EML4: variants seen among roughly 807,000 people sequenced by gnomAD.
The protein encoded by EML4 is EMAP like 4.
EML4 carries 72 observed loss-of-function variants against 129.0 expected under a neutral mutation model. That is an observed-to-expected ratio of 0.56 (90% CI 0.46 to 0.68). The LOEUF (loss-of-function observed/expected upper bound fraction) is 0.68. Ranked by LOEUF, EML4 falls within the 30% of genes least tolerant of loss-of-function variation. EML4 has a pLI of 0.00. For missense variants in EML4, 1,363 were observed against 1,190.6 expected, an observed-to-expected ratio of 1.14 and a Z score of -2.13; for synonymous variants, 532 against 405.0, an observed-to-expected ratio of 1.31 and a Z score of -3.77.
chr2:42,228,793 C>T (rs984434650), intron 1 of EML4, among the ~76,000 whole-genome samples: 4 of 152,122 alleles, frequency 2.6e-5, no homozygotes, highest in African/African-American at 9.7e-5. Flanking sequence ...CTTCTTCTCT[C>T]CCCCACAATG....
rs61417977 is a variant in EML4 at position 42,216,230 on chromosome 2, C to CTT, written c.26-29246_26-29245dup. On this transcript the variant is annotated intron_variant, in intron 1 of 22. Transcript: ENST00000318522. ...ATGAGCTACCACACCCGGCCCACTT[C>CTT]TTTTTTTTTTTTTTTTTTTTTTTTT... Among the ~76,000 whole-genome samples the CTT allele has an allele frequency of 8.0e-3, 349 of 43,382 alleles. 47 individuals carry two copies. The highest frequency in any genetic ancestry group is 0.026 in the African/African-American group (201 of 7,860). The allele number at this position is 43,382 out of a possible 152,430, so 28.5% of individuals were successfully genotyped here. A position where few individuals can be genotyped will look rare whatever the true frequency, so the allele number is the denominator to read the frequency against.
intron 6 of EML4, among the ~76,000 whole-genome samples, chr2:42,268,480 C>G (rs554144848): frequency 1.3e-5 from 2 of 152,172 alleles, no homozygotes; most frequent in East Asian, 3.9e-4. Context: ...ACTCTGCCAC[C>G]GAGGCTGGAG....
Position 42,264,103 on chromosome 2 carries a change from G to T in EML4, c.642-603G>T, listed in dbSNP as rs1340680118. Among the ~76,000 whole-genome samples, 79 of 100,764 alleles carry T rather than the reference G, an allele frequency of 7.8e-4. 16 individuals are homozygous for T. Among genetic ancestry groups the T allele is most frequent in the Middle Eastern group, 6.3e-3 (1 of 158 alleles). 66.1% of individuals were successfully genotyped at this position (100,764 alleles called of 152,430 possible). A position where few individuals can be genotyped will look rare whatever the true frequency, so the allele number is the denominator to read the frequency against. ...AAGGCTCCCAACTCAAACAATACGTGTTTTTTTTTTTTTTTTTTTTTTTTT... is the reference window on the plus strand; with the variant it reads ...AAGGCTCCCAACTCAAACAATACGTTTTTTTTTTTTTTTTTTTTTTTTTTT... On this transcript the variant is annotated intron_variant, in intron 5 of 22. Transcript: ENST00000318522.
intron 6 of EML4, among the ~76,000 whole-genome samples, chr2:42,269,238 A>G (rs568560645): frequency 1.3e-5 from 2 of 152,354 alleles, no homozygotes; most frequent in East Asian, 3.9e-4. Flanking sequence ...TATTGTAGCC[A>G]AATGCTTTAT....
intron 19 of EML4, among the ~76,000 whole-genome samples, chr2:42,323,756 A>T (rs1453398036): frequency 1.4e-5 from 2 of 144,308 alleles, no homozygotes; most frequent in Non-Finnish European, 3.0e-5. Context: ...TAATGTGGTG[A>T]AACCCCGTCT....
intron 1 of EML4, among the ~76,000 whole-genome samples, chr2:42,180,431 C>G (rs1053889767): frequency 1.3e-5 from 2 of 152,178 alleles, no homozygotes; most frequent in African/African-American, 4.8e-5. Flanking sequence ...GATCTTGCCA[C>G]TCTGGACTTG....
chr2:42,300,807 T>A (rs920510433), intron 13 of EML4, among the ~76,000 whole-genome samples: 11 of 152,310 alleles, frequency 7.2e-5, no homozygotes, highest in African/African-American at 2.6e-4. Context: ...AGTCACAGCT[T>A]TGTTATTAGC....
intron 2 of EML4, among the ~76,000 whole-genome samples, chr2:42,252,451 G>T (rs1365862076): frequency 1.3e-5 from 2 of 152,122 alleles, no homozygotes; most frequent in African/African-American, 4.8e-5. Flanking sequence ...CCTGAAATCA[G>T]TTCTTCACAT....
chr2:42,226,665 A>G (rs1450875825), intron 1 of EML4, among the ~76,000 whole-genome samples: 1 of 150,132 alleles, frequency 6.7e-6, no homozygotes, highest in Admixed American at 6.6e-5. Flanking sequence ...TCAAAATAAA[A>G]TAAAATAAAA....
chr2:42,199,119 G>T (rs1191143233), intron 1 of EML4, among the ~76,000 whole-genome samples: 1 of 152,196 alleles, frequency 6.6e-6, no homozygotes, highest in Non-Finnish European at 1.5e-5. Context: ...GAAGCTAAAG[G>T]GTGAAGTGTG....
intron 13 of EML4, among the ~76,000 whole-genome samples, chr2:42,296,599 C>T (rs1667971682): frequency 6.6e-6 from 1 of 152,158 alleles, no homozygotes. Flanking sequence ...TATCTGCCTT[C>T]CCCAATAAGC....
chr2:42,208,412 A>G (rs1446474003), intron 1 of EML4, among the ~76,000 whole-genome samples: 1 of 149,414 alleles, frequency 6.7e-6, no homozygotes, highest in Non-Finnish European at 1.5e-5. Flanking sequence ...TATTTTAGAA[A>G]CCTACTCCTT....
chr2:42,266,237 G>A (rs958706055), intron 6 of EML4, among the ~76,000 whole-genome samples: 5 of 152,162 alleles, frequency 3.3e-5, no homozygotes, highest in African/African-American at 9.7e-5. Flanking sequence ...TTCTTCTTTA[G>A]TAGGTCTTAC....
intron 1 of EML4, among the ~76,000 whole-genome samples, chr2:42,196,716 A>C (rs1382054052): frequency 6.6e-6 from 1 of 152,234 alleles, no homozygotes. Flanking sequence ...TGTTAAAAAT[A>C]AGGTCCAAGG....
At chr2:42,238,604 TTGTTTTTA>T (rs1036634321) in intron 1 of EML4, among the ~76,000 whole-genome samples, 1 of 143,052 alleles carries the variant, frequency 7.0e-6, no homozygotes, top group Admixed American at 6.9e-5. Flanking sequence ...AAATGTAATT[TTGTTTTTA>T]TTTTTTTATT....
rs74960464 is a variant in EML4 at position 42,291,152 on chromosome 2, G to A, written c.1218+2830G>A. ...CAGTAGGCGCAGAATAATGTTTTCAGTGAATGGTGCTGGCTTAATTGGATA... is the reference window on the plus strand; with the variant it reads ...CAGTAGGCGCAGAATAATGTTTTCAATGAATGGTGCTGGCTTAATTGGATA... On this transcript the variant is annotated intron_variant, in intron 11 of 22. Transcript: ENST00000318522. Among the ~76,000 whole-genome samples, 1,115 of 152,244 alleles carry A rather than the reference G, an allele frequency of 7.3e-3. 14 individuals are homozygous for A. The highest frequency in any genetic ancestry group is 0.026 in the African/African-American group (1,063 of 41,550).
intron 17 of EML4, 82 bp from the exon 18 acceptor site, chr2:42,315,880 C>CA (rs200655876): frequency 0.016 from 13,549 of 856,178 alleles, 10 homozygotes; most frequent in Non-Finnish European, 0.017. Flanking sequence ...GACTCCATCT[C>CA]AAAAAAAAAA....
At chr2:42,181,916 A>T (rs1000067109) in intron 1 of EML4, among the ~76,000 whole-genome samples, 73 of 152,278 alleles carry the variant, frequency 4.8e-4, no homozygotes, top group African/African-American at 1.7e-3. Context: ...AGTAGTTAAA[A>T]TTAAGGAATA....
At position 42,261,206 on chromosome 2, in the gene EML4, C is replaced by G. The variant is rs760391629; in HGVS notation, c.424C>G (p.Arg142Gly). 1 of 1,613,634 alleles carries G rather than the reference C, an allele frequency of 6.2e-7. No homozygotes were observed. Among genetic ancestry groups the G allele is most frequent in the Non-Finnish European group, 8.5e-7 (1 of 1,179,810 alleles). Residue 142 changes from arginine (R) to glycine (G), a missense_variant, in exon 4 of 23, where the codon CGA becomes GGA. Transcript: ENST00000318522. The stretch of plus-strand genomic sequence containing the variant: ...TTCTAATGATCAAAGTCCACAAATT[C>G]GAGCATCACCTTCTCCCCAGCCCTC... ...SHSNDQSPQIRASPSPQPSSQ... is the reference protein window; with the variant it reads ...SHSNDQSPQIGASPSPQPSSQ...
Sources: gnomAD v4.1 joint callset for allele counts (sites outside exome capture counted in the v4.1 genomes callset) on GRCh38, gnomAD v4.1.1 for gene constraint, MANE v1.5 for transcripts, NCBI Gene and HGNC (gene_info 2026-07-23, HGNC 2026-07-21) for gene names.